Variants in TMEM239 observed in about 807,000 individuals in gnomAD.
TMEM239 encodes the protein transmembrane protein 239.
In TMEM239, 10 loss-of-function variants were observed where a neutral mutation model predicts 14.6. The ratio of observed to expected loss-of-function variants is 0.68; its 90% CI spans 0.42 to 1.16. The LOEUF is 1.16. Among genes scored for constraint, TMEM239 ranks in the 50% most tolerant of loss-of-function variants. The pLI is 0.00. For synonymous variants in TMEM239, 94 were observed against 89.9 expected (o/e 1.05, Z -0.26); for missense variants, 183 against 194.4 (o/e 0.94, Z 0.35).
chr20:2,818,071 T>A (rs1356561614), downstream of TMEM239: 1 of 152,218 alleles, frequency 6.6e-6, no homozygotes, highest in Non-Finnish European at 1.5e-5. Flanking sequence ...AATGTGCAGA[T>A]GTTGAACTAT....
At position 2,816,862 on chromosome 20, in the gene TMEM239, T is replaced by G; in HGVS notation, c.308T>G (p.Leu103Arg). 6.5e-7 allele frequency: 1 copy of G among 1,546,316 alleles called. No individual in the cohort carries two copies. The highest frequency in any genetic ancestry group is 8.7e-7 in the Non-Finnish European group (1 of 1,146,980). The change falls in exon 2 of 2, where the codon CTG becomes CGG. Residue 103 changes from leucine to arginine, a missense_variant. Leu to Arg is a moderately radical substitution (Grantham distance 102). Transcript: ENST00000380585. ...GTCGTGGCCGCGGTGTGGCGCCACC[T>G]GCTACCGGCTCTCCTGCTGCTGGTG... ...WPVVAAVWRH[L>R]LPALLLLVLS...
rs2088680685 is a variant in TMEM239, at chr20:2,816,860, C to T, written c.306C>T (p.His102=). Residue 102 remains histidine, a synonymous_variant, in exon 2 of 2, where the codon CAC becomes CAT. Transcript: ENST00000380585. ...CTGTCGTGGCCGCGGTGTGGCGCCA[C>T]CTGCTACCGGCTCTCCTGCTGCTGG... The part of the protein sequence containing the change: ...LWPVVAAVWR[H]LLPALLLLVL... The T allele has an allele frequency of 1.9e-6, 3 of 1,546,686 alleles. No individual in the cohort carries two copies. The highest frequency in any genetic ancestry group is 2.6e-6 in the Non-Finnish European group (3 of 1,146,988).
In TMEM239 at chr20:2,817,147, A is replaced by T; in HGVS notation, c.*134A>T. The T allele has an allele frequency of 8.4e-7, 1 of 1,186,864 alleles. No homozygotes were observed. Among genetic ancestry groups the T allele is most frequent in the South Asian group, 1.5e-5 (1 of 64,754 alleles). The allele number at this position is 1,186,864 out of a possible 1,614,324, so 73.5% of individuals were successfully genotyped here. ...CCCAGACCCCTAGTCCCTAACAGGTAGACTGGCCTGACCCCGGACTCCTTC... is the reference window on the plus strand; with the variant it reads ...CCCAGACCCCTAGTCCCTAACAGGTTGACTGGCCTGACCCCGGACTCCTTC... On this transcript the variant is annotated 3_prime_UTR_variant, in exon 2 of 2. Transcript: ENST00000380585.
rs1376989890 is a variant in TMEM239, at chr20:2,816,879, C to T, written c.325C>T (p.Leu109=). The change falls in exon 2 of 2, where the codon CTG becomes TTG. Residue 109 remains leucine (L), a synonymous_variant. Coordinates refer to ENST00000380585, the MANE Select transcript of TMEM239 (RefSeq NM_001167670.3). The part of the protein sequence containing the change: ...VWRHLLPALL[L]LVLSALPALL... The stretch of plus-strand genomic sequence containing the variant: ...GCGCCACCTGCTACCGGCTCTCCTG[C>T]TGCTGGTGCTCAGTGCTCTGCCTGC... 6.5e-7 allele frequency: 1 copy of T among 1,544,228 alleles called. No individual in the cohort carries two copies. Among genetic ancestry groups the T allele is most frequent in the Admixed American group, 2.0e-5 (1 of 51,004 alleles).
In TMEM239 at chr20:2,817,932, G is replaced by C. The variant is rs2088696540; in HGVS notation, c.*919G>C. The stretch of plus-strand genomic sequence containing the variant: ...CTTTTGACCCCAAAGACTGTTGAAG[G>C]AACAGGAAGCTTCTCTGGGCTTTCA... On this transcript the variant is annotated 3_prime_UTR_variant, in exon 2 of 2. Transcript: ENST00000380585. The C allele has an allele frequency of 6.6e-6, 1 of 152,188 alleles. No homozygotes were observed. The highest frequency in any genetic ancestry group is 1.9e-4 in the East Asian group (1 of 5,198). 9.4% of individuals were successfully genotyped at this position (152,188 alleles called of 1,614,324 possible). A position where few individuals can be genotyped will look rare whatever the true frequency, so the allele number is the denominator to read the frequency against.
chr20:2,816,709 C>A lies in TMEM239; in HGVS notation c.155C>A (p.Ser52Ter), dbSNP rs757335069. 6.5e-7 allele frequency: 1 copy of A among 1,546,920 alleles called. No homozygotes were observed. The highest frequency in any genetic ancestry group is 2.0e-5 in the Admixed American group (1 of 50,954). The part of the protein sequence containing the change: ...PPSWIQWWST[S>*]NWRQPLQRLL... ...AGCTGGATCCAGTGGTGGAGCACCT[C>A]GAACTGGCGGCAACCGCTGCAGCGC... Residue 52 changes from serine to a stop codon, truncating the protein, a stop_gained, in exon 2 of 2, where the codon TCG (serine) becomes TAG (stop). Coordinates refer to ENST00000380585, the MANE Select transcript of TMEM239 (RefSeq NM_001167670.3). LOFTEE classifies it high-confidence loss of function.
In TMEM239 at chr20:2,817,219, GAGAAGAGGGGGCA is replaced by G; in HGVS notation, c.*210_*222del. ...CCTGGTGTGAGGGGCTGGGGGCTTTGAGAAGAGGGGGCAAGACAGATGGCTTAGCCATTGGTGA... is the reference window on the plus strand; with the variant it reads ...CCTGGTGTGAGGGGCTGGGGGCTTTGAGACAGATGGCTTAGCCATTGGTGA... On this transcript the variant is annotated 3_prime_UTR_variant, in exon 2 of 2. Coordinates refer to ENST00000380585, the MANE Select transcript of TMEM239 (RefSeq NM_001167670.3). 1 of 674,116 alleles carries G rather than the reference GAGAAGAGGGGGCA, an allele frequency of 1.5e-6. No individual in the cohort carries two copies. The highest frequency in any genetic ancestry group is 2.5e-6 in the Non-Finnish European group (1 of 404,788). The allele number at this position is 674,116 out of a possible 1,614,324, so 41.8% of individuals were successfully genotyped here. A position where few individuals can be genotyped will look rare whatever the true frequency, so the allele number is the denominator to read the frequency against.
rs1324393059 is a variant in TMEM239, at chr20:2,816,847, C to T, written c.293C>T (p.Ala98Val). The change falls in exon 2 of 2, where the codon GCG becomes GTG. Residue 98 changes from alanine (A) to valine (V), a missense_variant. Coordinates refer to ENST00000380585, the MANE Select transcript of TMEM239 (RefSeq NM_001167670.3). ...LLSSLWPVVA[A>V]VWRHLLPALL... ...AGCTCCTTGTGGCCTGTCGTGGCCG[C>T]GGTGTGGCGCCACCTGCTACCGGCT... 2.3e-5 allele frequency: 35 copies of T among 1,548,210 alleles called. 1 individual carries two copies. The highest frequency in any genetic ancestry group is 1.7e-4 in the Middle Eastern group (1 of 6,010).
chr20:2,820,236 A>G (rs2088710274), downstream of TMEM239: 1 of 152,270 alleles, frequency 6.6e-6, no homozygotes, highest in South Asian at 2.1e-4. Context: ...GGAGTAGGGT[A>G]TAGAGATAAC....
At position 2,816,536 on chromosome 20, in the gene TMEM239, C is replaced by A. The variant is rs1287552936; in HGVS notation, c.-11-8C>A. ...CAGGCATCTTCAAGACCCTGGCCCTCTCCCCAGGTGCACCAGACATGATGC... is the reference window on the plus strand; with the variant it reads ...CAGGCATCTTCAAGACCCTGGCCCTATCCCCAGGTGCACCAGACATGATGC... On this transcript the variant is annotated splice_region_variant and splice_polypyrimidine_tract_variant and intron_variant, in intron 1 of 1. Transcript: ENST00000380585. 35 of 1,493,806 alleles carry A rather than the reference C, an allele frequency of 2.3e-5. No homozygotes were observed. Among genetic ancestry groups the A allele is most frequent in the Non-Finnish European group, 2.3e-5 (26 of 1,120,082 alleles). 92.5% of individuals were successfully genotyped at this position (1,493,806 alleles called of 1,614,324 possible). A position where few individuals can be genotyped will look rare whatever the true frequency, so the allele number is the denominator to read the frequency against.
At chr20:2,819,561 CGAATCAGAGTCTG>C (rs2088706155), downstream of TMEM239, 2 of 150,534 alleles carry the variant, frequency 1.3e-5, no homozygotes, top group African/African-American at 2.5e-5. Context: ...CCAGACAGGC[CGAATCAGAGTCTG>C]CATTTTTTTT....
chr20:2,816,137 G>A (rs553021469), upstream of TMEM239, among the ~76,000 whole-genome samples: 1 of 152,272 alleles, frequency 6.6e-6, no homozygotes, highest in East Asian at 1.9e-4. Context: ...AGCAGGAAAG[G>A]GACAGGGATC....
chr20:2,818,664 G>A (rs2088700915), downstream of TMEM239: 3 of 152,314 alleles, frequency 2.0e-5, no homozygotes, highest in Admixed American at 2.0e-4. Flanking sequence ...TGGTCTCATG[G>A]TTGGATGGGT....
chr20:2,816,531 G>A lies in TMEM239; in HGVS notation c.-11-13G>A. 2 of 1,332,906 alleles carry A rather than the reference G, an allele frequency of 1.5e-6. No homozygotes were observed. The highest frequency in any genetic ancestry group is 3.8e-5 in the East Asian group (1 of 26,490). The allele number at this position is 1,332,906 out of a possible 1,614,324, so 82.6% of individuals were successfully genotyped here. ...GGTCCCAGGCATCTTCAAGACCCTG[G>A]CCCTCTCCCCAGGTGCACCAGACAT... On this transcript the variant is annotated splice_polypyrimidine_tract_variant and intron_variant, in intron 1 of 1. Transcript: ENST00000380585.
chr20:2,820,202 G>A (rs73077077), downstream of TMEM239: 25,422 of 152,218 alleles, frequency 0.17, 2,464 homozygotes, highest in East Asian at 0.27. Flanking sequence ...GAATGGAATG[G>A]ACAACTCTAG....
At position 2,816,797 on chromosome 20, in the gene TMEM239, C is replaced by T; in HGVS notation, c.243C>T (p.Leu81=). Residue 81 remains leucine, a synonymous_variant, in exon 2 of 2, where the codon CTC becomes CTT. Transcript: ENST00000380585. Reference sequence around the variant, plus strand: ...TGGCACTGATGTTGTGCCATGCACTCTTCACCACTGGCTCCCACCTGCTGA... The same window carrying T: ...TGGCACTGATGTTGTGCCATGCACTTTTCACCACTGGCTCCCACCTGCTGA... ...LLLALMLCHA[L]FTTGSHLLSS... is the part of the protein sequence containing the mutation. 6.4e-7 allele frequency: 1 copy of T among 1,551,158 alleles called. No homozygotes were observed. Among genetic ancestry groups the T allele is most frequent in the Non-Finnish European group, 8.7e-7 (1 of 1,147,006 alleles).
At chr20:2,816,502 C>CG in intron 1 of TMEM239, 42 bp from the exon 2 acceptor site, 1 of 1,503,812 alleles carries the variant, frequency 6.6e-7, no homozygotes, top group South Asian at 1.2e-5. Context: ...CCCCCCCCCC[C>CG]CAAGGTCCCA....
At position 2,817,111 on chromosome 20, in the gene TMEM239, C is replaced by G; in HGVS notation, c.*98C>G. 1 of 1,441,676 alleles carries G rather than the reference C, an allele frequency of 6.9e-7. No homozygotes were observed. The highest frequency in any genetic ancestry group is 9.2e-7 in the Non-Finnish European group (1 of 1,085,556). The allele number at this position is 1,441,676 out of a possible 1,614,324, so 89.3% of individuals were successfully genotyped here. A position where few individuals can be genotyped will look rare whatever the true frequency, so the allele number is the denominator to read the frequency against. ...AGGGCAATGGGATCAGGGCTCCCTG[C>G]CTTGGCAGGGCCCAGACCCCTAGTC... On this transcript the variant is annotated 3_prime_UTR_variant, in exon 2 of 2. Transcript: ENST00000380585.
downstream of TMEM239, chr20:2,818,642 A>G (rs1377889261): frequency 2.8e-4 from 42 of 152,278 alleles, no homozygotes; most frequent in Admixed American, 2.7e-3. Flanking sequence ...GAGGTAGGAC[A>G]TGGGGCTGAT....
Sources: allele counts gnomAD v4.1 joint callset (sites outside exome capture counted in the v4.1 genomes callset), GRCh38; gene constraint gnomAD v4.1.1; transcripts MANE v1.5; gene names NCBI Gene and HGNC (gene_info 2026-07-23, HGNC 2026-07-21).